The following LAMB1 variants were observed in gnomAD, a reference collection of about 807,000 sequenced individuals.
LAMB1 encodes laminin subunit beta-1.
LAMB1 carries 121 observed loss-of-function variants against 222.3 expected under a neutral mutation model. That is an observed-to-expected ratio of 0.54 (90% CI 0.47 to 0.63). LAMB1 has a LOEUF of 0.63. Among genes scored for constraint, LAMB1 ranks in the 30% least tolerant of loss-of-function variants. LAMB1 has a pLI of 0.00. For synonymous variants in LAMB1, 794 were observed against 807.2 expected (o/e 0.98, Z 0.28); for missense variants, 2,172 against 2,240.8 (o/e 0.97, Z 0.62).
rs1470093433 is a variant in LAMB1 at position 107,929,454 on chromosome 7, A to G, written c.4703T>C (p.Ile1568Thr). 1.2e-6 allele frequency: 2 copies of G among 1,614,160 alleles called. No homozygotes were observed. Among genetic ancestry groups the G allele is most frequent in the Admixed American group, 1.7e-5 (1 of 60,028 alleles). ...TTCTAACAACATCTCAGCTCTGGCA[A>G]TGTCAGCAGCACTATGCTGAAGAAT... ...EVILQHSAAD[I>T]ARAEMLLEEA... The change falls in exon 30 of 34, where the codon ATT becomes ACT. Residue 1568 changes from isoleucine (I) to threonine (T), a missense_variant. Ile to Thr is a moderately conservative substitution (Grantham distance 89). Transcript: ENST00000222399.
In LAMB1 at chr7:107,926,315, C is replaced by G; in HGVS notation, c.4932G>C (p.Ala1644=). 1 of 1,613,898 alleles carries G rather than the reference C, an allele frequency of 6.2e-7. No homozygotes were observed. Among genetic ancestry groups the G allele is most frequent in the Non-Finnish European group, 8.5e-7 (1 of 1,179,838 alleles). Residue 1644 remains alanine, a synonymous_variant, in exon 32 of 34, where the codon GCG becomes GCC. Transcript: ENST00000222399. ...TAASEETLFN[A]SQRISELERN... Reference sequence around the variant, plus strand: ...TCTCTAACTCGCTGATGCGCTGGGACGCGTTGAACAAGGTTTCCTCAGAAG... The same window carrying G: ...TCTCTAACTCGCTGATGCGCTGGGAGGCGTTGAACAAGGTTTCCTCAGAAG...
intron 5 of LAMB1, among the ~76,000 whole-genome samples, chr7:107,991,319 C>A (rs1451144864): frequency 6.6e-6 from 1 of 152,156 alleles, no homozygotes; most frequent in African/African-American, 2.4e-5. Context: ...CACAGTGGCT[C>A]ATGCCTCTTT....
In LAMB1 at chr7:107,932,344, C is replaced by T. The variant is rs201096407; in HGVS notation, c.4222G>A (p.Glu1408Lys). ...CAGTTTGGCCCGCCACATTCAGTCTCGGAACAGGAGGCCCCTGGGGGTGTT... is the reference window on the plus strand; with the variant it reads ...CAGTTTGGCCCGCCACATTCAGTCTTGGAACAGGAGGCCCCTGGGGGTGTT... ...CGTPPGASCS[E>K]TECGGPNCRT... The change falls in exon 28 of 34, where the codon GAG (glutamate) becomes AAG (lysine). Residue 1408 changes from glutamate to lysine, a missense_variant. Glu to Lys is a moderately conservative substitution (Grantham distance 56). Transcript: ENST00000222399. 32 of 1,614,084 alleles carry T rather than the reference C, an allele frequency of 2.0e-5. No individual in the cohort carries two copies. Among genetic ancestry groups the T allele is most frequent in the South Asian group, 7.7e-5 (7 of 91,084 alleles).
intron 27 of LAMB1, among the ~76,000 whole-genome samples, chr7:107,933,173 A>G (rs1157559161): frequency 2.0e-5 from 3 of 152,256 alleles, no homozygotes; most frequent in African/African-American, 7.2e-5. Flanking sequence ...GCAAATTGAT[A>G]AATTATAATA....
At chr7:107,961,853 CTGGA>C (rs1179998994) in intron 15 of LAMB1, among the ~76,000 whole-genome samples, 177 bp from the exon 16 acceptor site, 1 of 152,200 alleles carries the variant, frequency 6.6e-6, no homozygotes, top group African/African-American at 2.4e-5. Flanking sequence ...CCCTTCTGCC[CTGGA>C]TGCTGAAACA....
chr7:107,944,023 C>G (rs2033056783), intron 24 of LAMB1, among the ~76,000 whole-genome samples: 1 of 152,196 alleles, frequency 6.6e-6, no homozygotes, highest in African/African-American at 2.4e-5. Flanking sequence ...AGGCAGCCCT[C>G]TGGGGCCTAC....
At chr7:107,995,259 T>C (rs1468202679) in intron 4 of LAMB1, among the ~76,000 whole-genome samples, 3 of 152,156 alleles carry the variant, frequency 2.0e-5, no homozygotes, top group Non-Finnish European at 2.9e-5. Context: ...AAAGACATCC[T>C]TTGCCTAGCC....
At chr7:107,959,580 G>A in intron 19 of LAMB1, 100 bp from the exon 20 acceptor site, 2 of 1,610,270 alleles carry the variant, frequency 1.2e-6, no homozygotes, top group Non-Finnish European at 1.7e-6. Context: ...ATGCTCATGG[G>A]TTGGTGTGAT....
chr7:107,931,646 GT>G (rs2032714224), intron 28 of LAMB1, 146 bp from the exon 29 acceptor site: 1 of 740,808 alleles, frequency 1.3e-6, no homozygotes, highest in Non-Finnish European at 2.3e-6. Context: ...ATTCAACAAA[GT>G]ATTGTATCTT....
chr7:107,937,019 A>T (rs2032863741), intron 26 of LAMB1, 74 bp downstream of exon 26: 2 of 1,238,636 alleles, frequency 1.6e-6, no homozygotes, highest in African/African-American at 1.5e-5. Flanking sequence ...TTTTTCCCCA[A>T]AAGTGCTATA....
intron 13 of LAMB1, among the ~76,000 whole-genome samples, chr7:107,965,702 T>C (rs1234501790): frequency 6.6e-6 from 1 of 152,222 alleles, no homozygotes; most frequent in East Asian, 1.9e-4. Context: ...TTTCAACTCA[T>C]TCTCAAGGTT....
chr7:107,924,252 A>G lies in LAMB1; in HGVS notation c.5202T>C (p.Asn1734=), dbSNP rs144348923. The G allele has an allele frequency of 8.1e-6, 13 of 1,611,336 alleles. No homozygotes were observed. Among genetic ancestry groups the G allele is most frequent in the South Asian group, 1.1e-5 (1 of 90,250 alleles). ...NEAKTLLAQA[N]SKLQLLKDLE... is the part of the protein sequence containing the mutation. The stretch of plus-strand genomic sequence containing the variant: ...CACCTTTGAGCAGTTGCAGCTTGCT[A>G]TTTGCTTGAGCTAAAAGAGTTTTTG... Residue 1734 remains asparagine, a synonymous_variant, in exon 33 of 34, where the codon AAT becomes AAC. Transcript: ENST00000222399.
At chr7:107,983,762 C>T (rs1399988035) in intron 7 of LAMB1, among the ~76,000 whole-genome samples, 4 of 152,022 alleles carry the variant, frequency 2.6e-5, no homozygotes, top group Middle Eastern at 6.8e-3. Flanking sequence ...GTGATCCACC[C>T]GCCTAGGCCT....
chr7:107,930,099 C>T, intron 29 of LAMB1: 1 of 157,924 alleles, frequency 6.3e-6, no homozygotes, highest in Non-Finnish European at 1.4e-5. Context: ...CTTGTGAATG[C>T]AGATATGGAG....
At chr7:107,954,041 G>A (rs1012802724) in intron 21 of LAMB1, among the ~76,000 whole-genome samples, 1 of 152,164 alleles carries the variant, frequency 6.6e-6, no homozygotes, top group Non-Finnish European at 1.5e-5. Context: ...CACAGCGGCT[G>A]TGGACAGTTA....
chr7:107,964,680 C>T lies in LAMB1; in HGVS notation c.1570G>A (p.Ala524Thr), dbSNP rs748515672. 1.9e-6 allele frequency: 3 copies of T among 1,614,054 alleles called. No individual in the cohort carries two copies. The East Asian group carries it at 6.7e-5, about 36-fold the overall frequency. Residue 524 changes from alanine (A) to threonine (T), a missense_variant, in exon 14 of 34, where the codon GCG becomes ACG. By Grantham distance (58) the Ala-to-Thr change is moderately conservative. Coordinates refer to ENST00000222399, the MANE Select transcript of LAMB1 (RefSeq NM_002291.3). ...LGGALNNSCF[A>T]ESGQCSCRPH... ...CGGCATGAGCACTGGCCTGACTCCG[C>T]AAAGCAACTGGAAGGGAGGAGGAGC...
rs1207094345 is a variant in LAMB1, at chr7:107,986,060, G to A, written c.638C>T (p.Ala213Val). ...GEVIFRALDP[A>V]FKIEDPYSPR... ...GCTATAAGGATCTTCTATTTTGAAA[G>A]CAGGATCTAAAGCACGAAATATCAC... is the stretch of plus-strand genomic sequence containing the variant. Residue 213 changes from alanine to valine, a missense_variant, in exon 7 of 34, where the codon GCT becomes GTT. Ala to Val is a moderately conservative substitution (Grantham distance 64, BLOSUM62 0). Coordinates refer to ENST00000222399, the MANE Select transcript of LAMB1 (RefSeq NM_002291.3). 6.2e-7 allele frequency: 1 copy of A among 1,612,162 alleles called. No homozygotes were observed. Among genetic ancestry groups the A allele is most frequent in the African/African-American group, 1.3e-5 (1 of 75,028 alleles).
chr7:107,967,690 G>A (rs1313210489), intron 13 of LAMB1, among the ~76,000 whole-genome samples: 2 of 151,984 alleles, frequency 1.3e-5, no homozygotes, highest in Admixed American at 6.6e-5. Context: ...TGTGAACTTT[G>A]TTCTGAATGA....
intron 22 of LAMB1, 34 bp from the exon 23 acceptor site, chr7:107,952,257 A>C: frequency 6.7e-7 from 1 of 1,487,922 alleles, no homozygotes; most frequent in Non-Finnish European, 9.2e-7. Context: ...TTATTGTCAC[A>C]CTCCCAAATA....
Sources: allele counts gnomAD v4.1 joint callset (sites outside exome capture counted in the v4.1 genomes callset), GRCh38; gene constraint gnomAD v4.1.1; transcripts MANE v1.5; gene names NCBI Gene and HGNC (gene_info 2026-07-23, HGNC 2026-07-21).